PSD: variants seen among roughly 807,000 people sequenced by gnomAD.
PSD encodes the protein pleckstrin and Sec7 domain containing.
A neutral mutation model predicts 91.6 loss-of-function variants in PSD; 32 were observed. That is an observed-to-expected ratio of 0.35 (90% confidence interval 0.26 to 0.47). The LOEUF is 0.47. Among genes scored for constraint, PSD ranks in the 20% least tolerant of loss-of-function variants. The pLI is 1.00. For missense variants in PSD, 1,099 were observed against 1,373.9 expected (o/e 0.80, Z 3.16); for synonymous variants, 532 against 569.3 (o/e 0.93, Z 0.93).
At chr10:102,413,733 G>A in intron 5 of PSD, 36 bp downstream of exon 5, 17 of 1,567,020 alleles carry the variant, frequency 1.1e-5, no homozygotes, top group Non-Finnish European at 1.5e-5. Context: ...GGAGCCCTGG[G>A]GGCCTCAAGT....
In PSD at chr10:102,405,659, G is replaced by T. The variant is rs2061352580; in HGVS notation, c.2136-123C>A. On this transcript the variant is annotated intron_variant, in intron 11 of 16. Coordinates refer to ENST00000020673, the MANE Select transcript of PSD (RefSeq NM_002779.5). The surrounding 1 kb of genome is among the most constrained non-coding windows in gnomAD (Gnocchi z 5.4). The stretch of plus-strand genomic sequence containing the variant: ...TGTGGCTTGGGGGGCTCAACCTGAG[G>T]GTCCTGCCATGTCTCCCGTCTCAGA... The T allele has an allele frequency of 5.7e-6, 5 of 884,716 alleles. No homozygotes were observed. Among genetic ancestry groups the T allele is most frequent in the Non-Finnish European group, 1.7e-6 (1 of 591,878 alleles). The allele number at this position is 884,716 out of a possible 1,614,324, so 54.8% of individuals were successfully genotyped here. A position where few individuals can be genotyped will look rare whatever the true frequency, so the allele number is the denominator to read the frequency against.
In PSD at chr10:102,405,206, C is replaced by T; in HGVS notation, c.2374G>A (p.Gly792Ser). The T allele has an allele frequency of 3.7e-6, 6 of 1,611,194 alleles. No homozygotes were observed. Among genetic ancestry groups the T allele is most frequent in the Non-Finnish European group, 4.2e-6 (5 of 1,179,852 alleles). ...ACCTTCTGCAGGTAGAGGATCATGC[C>T]CTTGAGGATCCCGTGGAAGCTCTTC... ...GWKSFHGILK[G>S]MILYLQKEEY... Residue 792 changes from glycine (G) to serine (S), a missense_variant, in exon 13 of 17, where the codon GGC (glycine) becomes AGC (serine). Physicochemically the swap from Gly to Ser is moderately conservative, Grantham distance 56. Around this residue, in one of 3 missense-constraint regions of PSD, gnomAD observed 358 missense variants for 426.5 expected, o/e 0.84. Coordinates refer to ENST00000020673, the MANE Select transcript of PSD (RefSeq NM_002779.5). The surrounding 1 kb of genome is among the most constrained non-coding windows in gnomAD (Gnocchi z 5.4).
intron 8 of PSD, 61 bp downstream of exon 8, chr10:102,411,646 G>T: frequency 1.3e-5 from 16 of 1,271,396 alleles, no homozygotes; most frequent in Non-Finnish European, 1.7e-5. Flanking sequence ...ACACACACAG[G>T]GCCCAGCCCA....
chr10:102,414,067 A>G lies in PSD; in HGVS notation c.1255T>C (p.Ser419Pro). ...ILESHRAKGT[S>P]YTSLASLEAL... Reference sequence around the variant, plus strand: ...TCCAGCGAGGCGAGGCTGGTATAGGAGGTGCCTTTGGCCCGGTGTGACTCC... The same window carrying G: ...TCCAGCGAGGCGAGGCTGGTATAGGGGGTGCCTTTGGCCCGGTGTGACTCC... The change falls in exon 5 of 17, where the codon TCC (serine) becomes CCC (proline). Residue 419 changes from serine to proline, a missense_variant. Ser to Pro is a moderately conservative substitution (Grantham distance 74). Around this residue, in one of 3 missense-constraint regions of PSD, gnomAD observed 631 missense variants for 728.8 expected, o/e 0.87. Transcript: ENST00000020673. This position sits in a 1 kb window ranked among gnomAD's most constrained non-coding sequence, Gnocchi z 5.6. 1 of 1,614,088 alleles carries G rather than the reference A, an allele frequency of 6.2e-7. No homozygotes were observed. Among genetic ancestry groups the G allele is most frequent in the Non-Finnish European group, 8.5e-7 (1 of 1,179,954 alleles).
chr10:102,408,490 C>T (rs1052948659), intron 10 of PSD, among the ~76,000 whole-genome samples: 8 of 152,184 alleles, frequency 5.3e-5, no homozygotes, highest in African/African-American at 1.9e-4. Flanking sequence ...CGAAACCCAG[C>T]ATGGCTCAGA....
Position 102,410,776 on chromosome 10 carries a change from C to T in PSD, c.2091+82G>A. On this transcript the variant is annotated intron_variant, in intron 10 of 16. Coordinates refer to ENST00000020673, the MANE Select transcript of PSD (RefSeq NM_002779.5). The surrounding 1 kb of genome is among the most constrained non-coding windows in gnomAD (Gnocchi z 6.0). ...GGGGTCGGCAAGCCCCAGCCCTGCCCTCCCTCCGACTCTGGACTCCGTCGC... is the reference window on the plus strand; with the variant it reads ...GGGGTCGGCAAGCCCCAGCCCTGCCTTCCCTCCGACTCTGGACTCCGTCGC... 2 of 1,103,942 alleles carry T rather than the reference C, an allele frequency of 1.8e-6. No individual in the cohort carries two copies. The highest frequency in any genetic ancestry group is 1.2e-5 in the South Asian group (1 of 80,396). The allele number at this position is 1,103,942 out of a possible 1,614,324, so 68.4% of individuals were successfully genotyped here. A position where few individuals can be genotyped will look rare whatever the true frequency, so the allele number is the denominator to read the frequency against.
Position 102,410,936 on chromosome 10 carries a change from C to A in PSD, c.2013G>T (p.Lys671Asn). The A allele has an allele frequency of 6.2e-7, 1 of 1,613,870 alleles. No individual in the cohort carries two copies. The highest frequency in any genetic ancestry group is 8.5e-7 in the Non-Finnish European group (1 of 1,179,730). Residue 671 changes from lysine to asparagine, a missense_variant, in exon 10 of 17, where the codon AAG (lysine) becomes AAT (asparagine). By Grantham distance (94) the Lys-to-Asn change is moderately conservative. Coordinates refer to ENST00000020673, the MANE Select transcript of PSD (RefSeq NM_002779.5). This position sits in a 1 kb window ranked among gnomAD's most constrained non-coding sequence, Gnocchi z 6.0. ...NTDLHGHNIG[K>N]RMTCGDFIGN... The stretch of plus-strand genomic sequence containing the variant: ...CGATGAAGTCCCCGCAGGTCATGCG[C>A]TTCCCGATGTTCTAAGGAAGGGAAC...
Position 102,403,815 on chromosome 10 carries a change from G to C in PSD, c.2844+27C>G. The C allele has an allele frequency of 6.2e-7, 1 of 1,604,326 alleles. No individual in the cohort carries two copies. The highest frequency in any genetic ancestry group is 8.5e-7 in the Non-Finnish European group (1 of 1,174,428). ...ACCCTAGTATGGGCCTGCGTGTGTG[G>C]ACAGAGGGGCAGACAGGGAGGCTCA... On this transcript the variant is annotated intron_variant, in intron 16 of 16. Transcript: ENST00000020673. The surrounding 1 kb of genome is among the most constrained non-coding windows in gnomAD (Gnocchi z 6.7).
Position 102,410,756 on chromosome 10 carries a change from C to T in PSD, c.2091+102G>A. The T allele has an allele frequency of 1.1e-5, 10 of 920,138 alleles. No homozygotes were observed. The South Asian group carries it at 1.2e-4, about 11-fold the overall frequency. The allele number at this position is 920,138 out of a possible 1,614,324, so 57.0% of individuals were successfully genotyped here. A position where few individuals can be genotyped will look rare whatever the true frequency, so the allele number is the denominator to read the frequency against. ...GGCTTCCGTGGCAGGAGCCGGGGGT[C>T]GGCAAGCCCCAGCCCTGCCCTCCCT... is the stretch of plus-strand genomic sequence containing the variant. On this transcript the variant is annotated intron_variant, in intron 10 of 16. Transcript: ENST00000020673. This position sits in a 1 kb window ranked among gnomAD's most constrained non-coding sequence, Gnocchi z 6.0.
rs866105043 is a variant in PSD, at chr10:102,402,895, G to A, written c.*305C>T. Reference sequence around the variant, plus strand: ...GGTGGTCTCAGCAGAAAGCAGAAACGGCATCAGGCCTCTCCCACACAAAAA... The same window carrying A: ...GGTGGTCTCAGCAGAAAGCAGAAACAGCATCAGGCCTCTCCCACACAAAAA... On this transcript the variant is annotated 3_prime_UTR_variant, in exon 17 of 17. Transcript: ENST00000020673. The A allele has an allele frequency of 1.3e-5, 4 of 308,748 alleles. No individual in the cohort carries two copies. Among genetic ancestry groups the A allele is most frequent in the African/African-American group, 6.5e-5 (3 of 46,152 alleles). The allele number at this position is 308,748 out of a possible 1,614,324, so 19.1% of individuals were successfully genotyped here. A position where few individuals can be genotyped will look rare whatever the true frequency, so the allele number is the denominator to read the frequency against.
At position 102,411,820 on chromosome 10, in the gene PSD, C is replaced by A; in HGVS notation, c.1830-1G>T. On this transcript the variant is annotated splice_acceptor_variant, in intron 7 of 16. Transcript: ENST00000020673. LOFTEE classifies it high-confidence loss of function. ...TAAGGCCAGCTCCTTCAGAAACACC[C>A]TGGAGAAGGGGCAAGAGAGGGTTGC... 6.2e-7 allele frequency: 1 copy of A among 1,608,848 alleles called. No individual in the cohort carries two copies. The highest frequency in any genetic ancestry group is 2.2e-5 in the East Asian group (1 of 44,630).
upstream of PSD, chr10:102,419,004 C>T (rs2061522936): frequency 3.0e-6 from 1 of 333,614 alleles, no homozygotes; most frequent in African/African-American, 2.2e-5. This position sits in a 1 kb window ranked among gnomAD's most constrained non-coding sequence, Gnocchi z 4.8. Context: ...TTCCCCAGAC[C>T]CTCACGTGCC....
chr10:102,403,802 G>A lies in PSD; in HGVS notation c.2844+40C>T. On this transcript the variant is annotated intron_variant, in intron 16 of 16. Transcript: ENST00000020673. The surrounding 1 kb of genome is among the most constrained non-coding windows in gnomAD (Gnocchi z 6.7). ...GTTCATGCCCTTCACCCTAGTATGG[G>A]CCTGCGTGTGTGGACAGAGGGGCAG... 6.3e-7 allele frequency: 1 copy of A among 1,589,880 alleles called. No individual in the cohort carries two copies. The highest frequency in any genetic ancestry group is 8.6e-7 in the Non-Finnish European group (1 of 1,165,448).
chr10:102,414,820 G>A lies in PSD; in HGVS notation c.1124+43C>T, dbSNP rs765034505. ...CCTGTGGGCCAGTGCGAAGGAGCAA[G>A]CCGCTTCCCTCTCCCACTTCCCCCT... On this transcript the variant is annotated intron_variant, in intron 4 of 16. Transcript: ENST00000020673. This position sits in a 1 kb window ranked among gnomAD's most constrained non-coding sequence, Gnocchi z 5.6. The A allele has an allele frequency of 1.3e-6, 2 of 1,486,060 alleles. No homozygotes were observed. Among genetic ancestry groups the A allele is most frequent in the South Asian group, 2.8e-5 (2 of 72,626 alleles). The allele number at this position is 1,486,060 out of a possible 1,614,324, so 92.1% of individuals were successfully genotyped here.
At chr10:102,417,229 C>T (rs1016300645) in intron 1 of PSD, 108 bp from the exon 2 acceptor site, 2 of 572,658 alleles carry the variant, frequency 3.5e-6, no homozygotes, top group Non-Finnish European at 6.2e-6. Flanking sequence ...TATCAGGGAC[C>T]TAGCACACCC....
chr10:102,413,856 G>A lies in PSD; in HGVS notation c.1466C>T (p.Ala489Val). Residue 489 changes from alanine (A) to valine (V), a missense_variant, in exon 5 of 17, where the codon GCC becomes GTC. By Grantham distance (64) the Ala-to-Val change is moderately conservative. Coordinates refer to ENST00000020673, the MANE Select transcript of PSD (RefSeq NM_002779.5). ...CCTCCCTGGGGCCAGCTTGGCTCTG[G>A]CCTCTGCCTCCTCCTCCTCCCCTCT... ...TQRGEEEEAE[A>V]RAKLAPGREP... is the part of the protein sequence containing the mutation. 6.2e-7 allele frequency: 1 copy of A among 1,613,956 alleles called. No homozygotes were observed. Among genetic ancestry groups the A allele is most frequent in the Non-Finnish European group, 8.5e-7 (1 of 1,179,926 alleles).
Position 102,417,052 on chromosome 10 carries a change from G to A in PSD, c.-14C>T. 1.3e-6 allele frequency: 2 copies of A among 1,524,632 alleles called. No homozygotes were observed. Among genetic ancestry groups the A allele is most frequent in the East Asian group, 2.4e-5 (1 of 40,970 alleles). 94.4% of individuals were successfully genotyped at this position (1,524,632 alleles called of 1,614,324 possible). On this transcript the variant is annotated 5_prime_UTR_variant, in exon 2 of 17. Coordinates refer to ENST00000020673, the MANE Select transcript of PSD (RefSeq NM_002779.5). Reference sequence around the variant, plus strand: ...ACCCTGGGCCATGCTGGGGCCGGGGGTCAGGCTGGGGGGGCAGGGATGGCG... The same window carrying A: ...ACCCTGGGCCATGCTGGGGCCGGGGATCAGGCTGGGGGGGCAGGGATGGCG...
chr10:102,410,436 C>T lies in PSD; in HGVS notation c.2091+422G>A, dbSNP rs2061413261. On this transcript the variant is annotated intron_variant, in intron 10 of 16. Coordinates refer to ENST00000020673, the MANE Select transcript of PSD (RefSeq NM_002779.5). This position sits in a 1 kb window ranked among gnomAD's most constrained non-coding sequence, Gnocchi z 6.0. ...CCGGGTTCCTGCAGCGCAGCAGCACCGGGAAGGTCTTTTTGGCTGTCCACG... is the reference window on the plus strand; with the variant it reads ...CCGGGTTCCTGCAGCGCAGCAGCACTGGGAAGGTCTTTTTGGCTGTCCACG... Among the ~76,000 whole-genome samples, 1 of 152,230 alleles carries T rather than the reference C, an allele frequency of 6.6e-6. No homozygotes were observed. The highest frequency in any genetic ancestry group is 2.4e-5 in the African/African-American group (1 of 41,454).
At position 102,416,574 on chromosome 10, in the gene PSD, T is replaced by A; in HGVS notation, c.465A>T (p.Thr155=). Reference sequence around the variant, plus strand: ...CTCCTCTGGCGGGGAGTGGGTCTGATGTGGATGCTTCCAGCCGTAACTTCC... The same window carrying A: ...CTCCTCTGGCGGGGAGTGGGTCTGAAGTGGATGCTTCCAGCCGTAACTTCC... ...SNRKLRLEAS[T]SDPLPARGGS... Residue 155 remains threonine (T), a synonymous_variant, in exon 2 of 17, where the codon ACA becomes ACT. Coordinates refer to ENST00000020673, the MANE Select transcript of PSD (RefSeq NM_002779.5). The surrounding 1 kb of genome is among the most constrained non-coding windows in gnomAD (Gnocchi z 6.0). The A allele has an allele frequency of 6.3e-7, 1 of 1,598,132 alleles. No individual in the cohort carries two copies. The highest frequency in any genetic ancestry group is 8.5e-7 in the Non-Finnish European group (1 of 1,171,770).
Sources: gnomAD v4.1 joint callset for allele counts (sites outside exome capture counted in the v4.1 genomes callset) on GRCh38, gnomAD v4.1.1 for gene constraint, gnomAD v4.1.1 regional missense constraint, Gnocchi (gnomAD v3.1) non-coding constraint, MANE v1.5 for transcripts, NCBI Gene and HGNC (gene_info 2026-07-23, HGNC 2026-07-21) for gene names.